The following SUPT3H variants were observed in gnomAD, a reference collection of about 807,000 sequenced individuals.
The protein encoded by SUPT3H is transcription initiation protein SPT3 homolog.
A neutral mutation model predicts 44.3 loss-of-function variants in SUPT3H; 44 were observed. That is an observed-to-expected ratio of 0.99 (90% confidence interval 0.78 to 1.28). SUPT3H has a LOEUF of 1.28. SUPT3H is among the 50% of genes most tolerant of loss of function. The pLI is 0.00. For synonymous variants in SUPT3H, 124 were observed against 125.6 expected (o/e 0.99, Z 0.09); for missense variants, 380 against 387.1 (o/e 0.98, Z 0.15).
chr6:45,348,858 CTT>C (rs1377913333), intron 2 of SUPT3H, among the ~76,000 whole-genome samples: 1 of 152,104 alleles, frequency 6.6e-6, no homozygotes, highest in African/African-American at 2.4e-5. Context: ...AATGAACTCT[CTT>C]TGAGAGGCTT....
chr6:44,889,381 A>G (rs548365159), intron 10 of SUPT3H, among the ~76,000 whole-genome samples: 10 of 152,328 alleles, frequency 6.6e-5, no homozygotes, highest in African/African-American at 2.4e-4. Flanking sequence ...ACAAGGCTAC[A>G]GTAACCAAAA....
intron 2 of SUPT3H, among the ~76,000 whole-genome samples, chr6:45,158,306 T>A (rs1248786459): frequency 0.014 from 1,405 of 103,014 alleles, 42 homozygotes; most frequent in Non-Finnish European, 0.021. Context: ...ATATTTTTTT[T>A]TTTTTTTTTT....
chr6:45,173,032 A>G (rs1811086891), intron 2 of SUPT3H, among the ~76,000 whole-genome samples: 1 of 152,184 alleles, frequency 6.6e-6, no homozygotes, highest in African/African-American at 2.4e-5. Context: ...GACGCAAACA[A>G]AGCGTATAGA....
In SUPT3H at chr6:44,981,553, T is replaced by C. The variant is rs569441893; in HGVS notation, c.505-19725A>G. On this transcript the variant is annotated intron_variant, in intron 6 of 10. Coordinates refer to ENST00000371459, the MANE Select transcript of SUPT3H (RefSeq NM_003599.4). ...TATTTTGAAATATTCTTCTATAATA[T>C]TGAGAAACATTTTATACCATTAGAA... Among the ~76,000 whole-genome samples the C allele has an allele frequency of 1.2e-4, 19 of 152,252 alleles. No individual in the cohort carries two copies. The East Asian group carries it at 3.7e-3, about 29-fold the overall frequency.
intron 7 of SUPT3H, among the ~76,000 whole-genome samples, chr6:44,957,973 T>C (rs1285264568): frequency 6.6e-6 from 1 of 152,122 alleles, no homozygotes; most frequent in African/African-American, 2.4e-5. Flanking sequence ...GTATTGTTGG[T>C]TCCAGCAAAA....
At chr6:44,885,877 A>G (rs979123701) in intron 10 of SUPT3H, among the ~76,000 whole-genome samples, 3 of 152,222 alleles carry the variant, frequency 2.0e-5, no homozygotes, top group Non-Finnish European at 4.4e-5. Context: ...AAAAAAATTT[A>G]GATGAATGTA....
At chr6:45,180,049 C>G (rs2153612609) in intron 2 of SUPT3H, among the ~76,000 whole-genome samples, 1 of 151,086 alleles carries the variant, frequency 6.6e-6, no homozygotes, top group South Asian at 2.1e-4. Flanking sequence ...GTACAAAAAT[C>G]ACAAGCATTC....
chr6:45,223,744 T>C (rs892917946), intron 2 of SUPT3H, among the ~76,000 whole-genome samples: 1 of 151,676 alleles, frequency 6.6e-6, no homozygotes, highest in African/African-American at 2.4e-5. Context: ...ACTTCAAGGA[T>C]ACATTTACTG....
Position 45,014,808 on chromosome 6 carries a change from A to G in SUPT3H, c.357T>C (p.Leu119=). The G allele has an allele frequency of 1.3e-6, 2 of 1,584,198 alleles. No individual in the cohort carries two copies. The highest frequency in any genetic ancestry group is 1.7e-4 in the Middle Eastern group (1 of 5,928). Residue 119 remains leucine (L), a synonymous_variant, in exon 5 of 11, where the codon CTT becomes CTC. Coordinates refer to ENST00000371459, the MANE Select transcript of SUPT3H (RefSeq NM_003599.4). The stretch of plus-strand genomic sequence containing the variant: ...GTGTTTTGTTTTGGTTACCTTCGAG[A>G]AGATCATCCTCATCGATGCCTTTGA... ...KIVKGIDEDD[L]LEDKLSGSNN...
intron 4 of SUPT3H, among the ~76,000 whole-genome samples, chr6:45,017,694 C>T (rs1430191096): frequency 6.8e-6 from 1 of 147,356 alleles, no homozygotes; most frequent in East Asian, 2.0e-4. Flanking sequence ...TGTTCTGTTC[C>T]ATTGATCTAT....
chr6:45,131,125 C>A (rs181733748), intron 2 of SUPT3H, among the ~76,000 whole-genome samples: 81 of 152,238 alleles, frequency 5.3e-4, no homozygotes, highest in African/African-American at 1.9e-3. Flanking sequence ...TTAGATCACT[C>A]GCCCTGCAAG....
intron 2 of SUPT3H, among the ~76,000 whole-genome samples, chr6:45,232,893 C>T (rs1768324915): frequency 6.6e-6 from 1 of 152,128 alleles, no homozygotes; most frequent in Non-Finnish European, 1.5e-5. Flanking sequence ...CCTGCCCCAG[C>T]CTCCAGGAGC....
At chr6:45,179,404 A>T (rs1033818206) in intron 2 of SUPT3H, among the ~76,000 whole-genome samples, 1 of 152,190 alleles carries the variant, frequency 6.6e-6, no homozygotes, top group African/African-American at 2.4e-5. Flanking sequence ...CTGATACCAA[A>T]GCCGGGCAGA....
chr6:45,107,528 T>C (rs527843913), intron 2 of SUPT3H, among the ~76,000 whole-genome samples: 1 of 152,148 alleles, frequency 6.6e-6, no homozygotes, highest in East Asian at 1.9e-4. Context: ...AAATCTTCCC[T>C]AAGAATTGTT....
At position 44,910,398 on chromosome 6, in the gene SUPT3H, A is replaced by G. The variant is rs536382623; in HGVS notation, c.912+22255T>C. Among the ~76,000 whole-genome samples the G allele has an allele frequency of 3.9e-5, 6 of 152,188 alleles. No individual in the cohort carries two copies. The South Asian group carries it at 1.2e-3, about 32-fold the overall frequency. The stretch of plus-strand genomic sequence containing the variant: ...TTTCATTTTTATTTCAGAATTAATA[A>G]CCATTGTTCTCATTTTCCAATTAAA... On this transcript the variant is annotated intron_variant, in intron 10 of 10. Transcript: ENST00000371459.
chr6:45,336,148 T>C (rs984344599), intron 2 of SUPT3H, among the ~76,000 whole-genome samples: 2 of 151,252 alleles, frequency 1.3e-5, no homozygotes, highest in African/African-American at 4.8e-5. Context: ...CAAACACATA[T>C]ACATTATTTC....
At chr6:45,249,083 C>A (rs899815292) in intron 2 of SUPT3H, among the ~76,000 whole-genome samples, 14 of 152,092 alleles carry the variant, frequency 9.2e-5, no homozygotes, top group African/African-American at 3.4e-4. Context: ...GATATCGTTT[C>A]TAAACTTTTT....
chr6:44,892,291 G>A (rs1324117562), intron 10 of SUPT3H, among the ~76,000 whole-genome samples: 2 of 152,052 alleles, frequency 1.3e-5, no homozygotes, highest in East Asian at 1.9e-4. Context: ...GGCTTTATAA[G>A]ATGAGGAAGA....
intron 7 of SUPT3H, 44 bp from the exon 8 acceptor site, chr6:44,954,651 A>T (rs1351602831): frequency 7.9e-7 from 1 of 1,267,144 alleles, no homozygotes; most frequent in East Asian, 2.3e-5. Flanking sequence ...TAATTTTTAA[A>T]GTGTTTTAAT....
Sources: gnomAD v4.1 joint callset for allele counts (sites outside exome capture counted in the v4.1 genomes callset) on GRCh38, gnomAD v4.1.1 for gene constraint, MANE v1.5 for transcripts, NCBI Gene and HGNC (gene_info 2026-07-23, HGNC 2026-07-21) for gene names.